The following SLC4A4 variants were observed in gnomAD, a reference collection of about 807,000 sequenced individuals.
The protein encoded by SLC4A4 is solute carrier family 4 member 4.
SLC4A4 carries 27 observed loss-of-function variants against 111.5 expected under a neutral mutation model. The ratio of observed to expected loss-of-function variants is 0.24; its 90% CI spans 0.18 to 0.33. The LOEUF (loss-of-function observed/expected upper bound fraction) is 0.33, where lower values mean the gene tolerates loss of function less well. Among genes scored for constraint, SLC4A4 ranks in the 10% least tolerant of loss-of-function variants. The pLI is 1.00. For missense variants in SLC4A4, 909 were observed against 1,315.5 expected, an observed-to-expected ratio of 0.69 and a Z score of 4.78; for synonymous variants, 443 against 463.4, an observed-to-expected ratio of 0.96 and a Z score of 0.57.
Position 71,546,145 on chromosome 4 carries a change from T to C in SLC4A4, c.2443-205T>C, listed in dbSNP as rs144860521. On this transcript the variant is annotated intron_variant, in intron 18 of 25. Coordinates refer to ENST00000264485, the MANE Select transcript of SLC4A4 (RefSeq NM_001098484.3). ...TCAACACTATAGTACAGAAGGTCTC[T>C]ACCATAGCAGCTATAAGATGCAGCT... Among the ~76,000 whole-genome samples, 71 of 152,190 alleles carry C rather than the reference T, an allele frequency of 4.7e-4. 1 individual carries two copies. The highest frequency in any genetic ancestry group is 1.7e-3 in the African/African-American group (70 of 41,554).
At chr4:71,274,669 A>G (rs1428218314) in intron 3 of SLC4A4, among the ~76,000 whole-genome samples, 1 of 152,150 alleles carries the variant, frequency 6.6e-6, no homozygotes, top group East Asian at 1.9e-4. Flanking sequence ...AGAGCAGAGA[A>G]AACACTCAAG....
intron 2 of SLC4A4, among the ~76,000 whole-genome samples, chr4:71,103,667 G>T (rs560709531): frequency 9.2e-5 from 14 of 152,154 alleles, no homozygotes; most frequent in Middle Eastern, 6.8e-3. Context: ...GCTCCTGAAT[G>T]ACTACCGGAT....
At chr4:71,249,158 A>C (rs1213531163) in intron 2 of SLC4A4, among the ~76,000 whole-genome samples, 1 of 152,126 alleles carries the variant, frequency 6.6e-6, no homozygotes, top group Non-Finnish European at 1.5e-5. Flanking sequence ...ATTCCCATGC[A>C]GTTCAGTGGG....
At chr4:71,168,234 T>C (rs1056191653) in intron 2 of SLC4A4, among the ~76,000 whole-genome samples, 2 of 144,778 alleles carry the variant, frequency 1.4e-5, no homozygotes, top group Non-Finnish European at 3.0e-5. Context: ...CAGGCTGGAG[T>C]ACAGTGGTGC....
At chr4:71,104,941 G>A (rs9684880) in intron 2 of SLC4A4, among the ~76,000 whole-genome samples, 18 of 10,574 alleles carry the variant, frequency 1.7e-3, no homozygotes, top group African/African-American at 3.5e-3. Flanking sequence ...GGCAGGAGAA[G>A]GAAATAAAGG....
intron 1 of SLC4A4, among the ~76,000 whole-genome samples, chr4:71,229,812 G>GTTTTT (rs546659911): frequency 1.6e-5 from 2 of 124,352 alleles, no homozygotes; most frequent in African/African-American, 3.0e-5. Context: ...CCCCTGCGAA[G>GTTTTT]TTTTTTTTTT....
chr4:71,279,935 A>G (rs1723377191), intron 3 of SLC4A4, among the ~76,000 whole-genome samples: 2 of 152,152 alleles, frequency 1.3e-5, no homozygotes, highest in South Asian at 4.1e-4. Context: ...AGCTGGGATT[A>G]CAGGCACCTG....
chr4:71,394,698 G>A (rs1256515296), intron 6 of SLC4A4, among the ~76,000 whole-genome samples: 6 of 152,040 alleles, frequency 3.9e-5, no homozygotes, highest in Admixed American at 2.0e-4. Context: ...GTCGACGAGT[G>A]GATAAAGAAA....
intron 2 of SLC4A4, among the ~76,000 whole-genome samples, chr4:71,129,624 C>A (rs561348797): frequency 1.3e-5 from 2 of 152,000 alleles, no homozygotes; most frequent in South Asian, 4.2e-4. Flanking sequence ...AGTGTATGCC[C>A]AAAGGAATAT....
intron 16 of SLC4A4, among the ~76,000 whole-genome samples, chr4:71,528,319 A>G (rs1041103530): frequency 2.0e-5 from 3 of 152,168 alleles, no homozygotes; most frequent in African/African-American, 7.2e-5. Flanking sequence ...TAGGCTCTGT[A>G]TTAAATATGA....
At chr4:71,102,387 C>T (rs1742775246) in intron 2 of SLC4A4, among the ~76,000 whole-genome samples, 1 of 150,570 alleles carries the variant, frequency 6.6e-6, no homozygotes, top group South Asian at 2.1e-4. Context: ...TCTAGCAAGG[C>T]AGGCCAACGT....
At chr4:71,182,176 C>A (rs780728256) in intron 2 of SLC4A4, among the ~76,000 whole-genome samples, 9 of 152,152 alleles carry the variant, frequency 5.9e-5, no homozygotes, top group Non-Finnish European at 1.0e-4. Context: ...TATTGGTTGA[C>A]TGAATGGATG....
At chr4:71,147,202 T>G (rs938688551) in intron 2 of SLC4A4, among the ~76,000 whole-genome samples, 1 of 152,176 alleles carries the variant, frequency 6.6e-6, no homozygotes, top group African/African-American at 2.4e-5. Flanking sequence ...ACACAGGGGA[T>G]TAGGAATTAT....
rs146374944 is a variant in SLC4A4 at position 71,359,556 on chromosome 4, G to A, written c.730+2369G>A. 1.4e-3 allele frequency among the ~76,000 whole-genome samples: 212 copies of A among 152,252 alleles called. 5 individuals are homozygous for A. Among genetic ancestry groups the A allele is most frequent in the Middle Eastern group, 3.4e-3 (1 of 294 alleles). On this transcript the variant is annotated intron_variant, in intron 6 of 25. Coordinates refer to ENST00000264485, the MANE Select transcript of SLC4A4 (RefSeq NM_001098484.3). ...GCTCGTTATTAACTGGAAAGTTTGC[G>A]TAGTTACCTTTATATCTTAGGGTTT...
intron 1 of SLC4A4, among the ~76,000 whole-genome samples, chr4:71,071,871 CAT>C (rs1741673502): frequency 6.6e-6 from 1 of 152,074 alleles, no homozygotes; most frequent in South Asian, 2.1e-4. Flanking sequence ...ATATCTTTTT[CAT>C]ATGTGTCAAT....
chr4:71,098,539 A>T (rs1220969946), intron 2 of SLC4A4, among the ~76,000 whole-genome samples: 1 of 152,120 alleles, frequency 6.6e-6, no homozygotes, highest in African/African-American at 2.4e-5. Flanking sequence ...GAATTTTAAA[A>T]TAGTTTTTTC....
At chr4:71,303,603 C>T (rs1003627790) in intron 3 of SLC4A4, among the ~76,000 whole-genome samples, 1 of 152,090 alleles carries the variant, frequency 6.6e-6, no homozygotes, top group African/African-American at 2.4e-5. Flanking sequence ...GATGGGAGGC[C>T]GTAATTTAAC....
intron 3 of SLC4A4, among the ~76,000 whole-genome samples, chr4:71,315,459 G>T (rs567250938): frequency 2.0e-5 from 3 of 152,236 alleles, no homozygotes; most frequent in Admixed American, 2.0e-4. Context: ...AAAAGAGTTG[G>T]TCATACTTAC....
At chr4:71,532,324 A>C in intron 17 of SLC4A4, 149 bp downstream of exon 17, 1 of 659,200 alleles carries the variant, frequency 1.5e-6, no homozygotes, top group Non-Finnish European at 2.7e-6. Flanking sequence ...TCATATATAC[A>C]TGTAGTTTAA....
Sources: gnomAD v4.1 joint callset for allele counts (sites outside exome capture counted in the v4.1 genomes callset) on GRCh38, gnomAD v4.1.1 for gene constraint, MANE v1.5 for transcripts, NCBI Gene and HGNC (gene_info 2026-07-23, HGNC 2026-07-21) for gene names.